The following SPTBN4 variants were observed in gnomAD, a reference collection of about 807,000 sequenced individuals.
SPTBN4 encodes spectrin beta, non-erythrocytic 4.
In SPTBN4, 96 loss-of-function variants were observed where a neutral mutation model predicts 277.8. The observed-to-expected ratio is 0.35, with a 90% CI of 0.29 to 0.41. SPTBN4 has a LOEUF of 0.41. Among genes scored for constraint, SPTBN4 ranks in the 10% least tolerant of loss-of-function variants. SPTBN4 has a pLI of 1.00. For synonymous variants in SPTBN4, 1,481 were observed against 1,580.3 expected, an observed-to-expected ratio of 0.94 and a Z score of 1.49; for missense variants, 3,006 against 3,595.7, an observed-to-expected ratio of 0.84 and a Z score of 4.19.
intron 2 of SPTBN4, among the ~76,000 whole-genome samples, chr19:40,484,661 C>G (rs1258886748): frequency 6.6e-6 from 1 of 151,962 alleles, no homozygotes; most frequent in African/African-American, 2.4e-5. Context: ...GGCGAGGTGG[C>G]TCACGCCTGT....
intron 21 of SPTBN4, 139 bp downstream of exon 21, chr19:40,549,552 A>T: frequency 1.6e-6 from 1 of 625,294 alleles, no homozygotes; most frequent in South Asian, 2.2e-5. Flanking sequence ...CCGTTCACTC[A>T]TTCATTCATT....
Position 40,556,285 on chromosome 19 carries a change from C to G in SPTBN4, c.5286C>G (p.Val1762=). 1 of 1,611,090 alleles carries G rather than the reference C, an allele frequency of 6.2e-7. No homozygotes were observed. Among genetic ancestry groups the G allele is most frequent in the East Asian group, 2.2e-5 (1 of 44,802 alleles). The change falls in exon 25 of 36, where the codon GTC becomes GTG. Residue 1762 remains valine, a synonymous_variant. Coordinates refer to ENST00000598249, the MANE Select transcript of SPTBN4 (RefSeq NM_020971.3). ...AGCTCGGCCAGGACTTTGAGCATGT[C>G]TCGGTGAGCATCATTAGTAATAAGT... ...SPELGQDFEH[V]SVLQEKFSEF...
At chr19:40,529,817 C>T (rs2080641755) in intron 18 of SPTBN4, among the ~76,000 whole-genome samples, 1 of 152,080 alleles carries the variant, frequency 6.6e-6, no homozygotes, top group Admixed American at 6.5e-5. Flanking sequence ...TCTGTGTGAC[C>T]CAGGATCATC....
At chr19:40,536,607 A>G (rs1191423692) in intron 20 of SPTBN4, among the ~76,000 whole-genome samples, 1 of 152,154 alleles carries the variant, frequency 6.6e-6, no homozygotes, top group Non-Finnish European at 1.5e-5. Flanking sequence ...AGATCCTTAG[A>G]AAGCTTTGTC....
At position 40,557,206 on chromosome 19, in the gene SPTBN4, A is replaced by G. The variant is rs1599806058; in HGVS notation, c.5473A>G (p.Thr1825Ala). The G allele has an allele frequency of 6.2e-7, 1 of 1,610,762 alleles. No homozygotes were observed. Among genetic ancestry groups the G allele is most frequent in the African/African-American group, 1.3e-5 (1 of 74,888 alleles). ...AWAELLELMG[T>A]RAQLLAASRE... ...GGCTGAGCTGCTGGAGCTCATGGGCACACGGGCCCAGCTGCTGGCCGCCTC... is the reference window on the plus strand; with the variant it reads ...GGCTGAGCTGCTGGAGCTCATGGGCGCACGGGCCCAGCTGCTGGCCGCCTC... Residue 1825 changes from threonine (T) to alanine (A), a missense_variant, in exon 26 of 36, where the codon ACA becomes GCA. Physicochemically the swap from Thr to Ala is moderately conservative, Grantham distance 58. This residue lies in a region of SPTBN4 where 425 missense variants were observed against 594.7 expected (regional missense o/e 0.71). Coordinates refer to ENST00000598249, the MANE Select transcript of SPTBN4 (RefSeq NM_020971.3).
intron 2 of SPTBN4, among the ~76,000 whole-genome samples, chr19:40,476,052 A>G (rs921343318): frequency 6.6e-6 from 1 of 151,538 alleles, no homozygotes; most frequent in Non-Finnish European, 1.5e-5. Context: ...TCTCAAAACA[A>G]TAAGAAACCT....
intron 2 of SPTBN4, among the ~76,000 whole-genome samples, chr19:40,486,429 G>C (rs935990602): frequency 6.6e-6 from 1 of 151,720 alleles, no homozygotes; most frequent in Non-Finnish European, 1.5e-5. Flanking sequence ...GAGTGCAGTG[G>C]CATGAGCACA....
Position 40,520,085 on chromosome 19 carries a change from C to A in SPTBN4, c.3588C>A (p.Val1196=). ...GLWEARREAL[V]QAHIYQLFLR... ...GGGAGGCGCGCAGGGAGGCGCTGGT[C>A]CAGGCGCACATCTACCAGCTCTTCC... Residue 1196 remains valine (V), a synonymous_variant, in exon 16 of 36, where the codon GTC becomes GTA. Transcript: ENST00000598249. 6.7e-7 allele frequency: 1 copy of A among 1,497,104 alleles called. No homozygotes were observed. Among genetic ancestry groups the A allele is most frequent in the Non-Finnish European group, 8.9e-7 (1 of 1,127,662 alleles). The allele number at this position is 1,497,104 out of a possible 1,614,324, so 92.7% of individuals were successfully genotyped here. A position where few individuals can be genotyped will look rare whatever the true frequency, so the allele number is the denominator to read the frequency against.
intron 18 of SPTBN4, among the ~76,000 whole-genome samples, chr19:40,531,480 T>TTG: frequency 3.4e-5 from 4 of 119,174 alleles, no homozygotes; most frequent in Non-Finnish European, 6.6e-5. Context: ...TTTTTTTTTT[T>TTG]TTTTTTTTTT....
intron 7 of SPTBN4, among the ~76,000 whole-genome samples, chr19:40,501,444 G>A (rs1055995959): frequency 1.3e-5 from 2 of 151,880 alleles, no homozygotes; most frequent in East Asian, 1.9e-4. Context: ...CGAGGTGGGC[G>A]GATCACCTGA....
At chr19:40,529,309 G>A (rs1161795316) in intron 18 of SPTBN4, among the ~76,000 whole-genome samples, 178 bp downstream of exon 18, 1 of 152,210 alleles carries the variant, frequency 6.6e-6, no homozygotes, top group Non-Finnish European at 1.5e-5. Context: ...GCAAGTCCCT[G>A]CCCGCCCACG....
chr19:40,472,534 A>G lies in SPTBN4; in HGVS notation c.-15-73A>G. 2.2e-6 allele frequency: 3 copies of G among 1,367,832 alleles called. No homozygotes were observed. In the South Asian group the frequency reaches 4.3e-5, roughly 20 times the overall value. The allele number at this position is 1,367,832 out of a possible 1,614,324, so 84.7% of individuals were successfully genotyped here. On this transcript the variant is annotated intron_variant, in intron 1 of 35. Transcript: ENST00000598249. ...AGAGAAATTGAGGACAAGAGAGGGG[A>G]CAGGACTCAAAGCCAGTCACTGTTA... is the stretch of plus-strand genomic sequence containing the variant.
rs1429214068 is a variant in SPTBN4 at position 40,568,157 on chromosome 19, G to A, written c.6831G>A (p.Ala2277=). ...PERQESAEHE[A]AHSLTLGRYE... is the part of the protein sequence containing the mutation. ...GGCAGGAGTCAGCGGAGCACGAGGC[G>A]GCACACAGCCTTACCCTGGGCCGCT... Residue 2277 remains alanine, a synonymous_variant, in exon 31 of 36, where the codon GCG becomes GCA. Coordinates refer to ENST00000598249, the MANE Select transcript of SPTBN4 (RefSeq NM_020971.3). 6.3e-7 allele frequency: 1 copy of A among 1,581,464 alleles called. No individual in the cohort carries two copies. Among genetic ancestry groups the A allele is most frequent in the Non-Finnish European group, 8.6e-7 (1 of 1,164,540 alleles).
chr19:40,559,122 G>GT (rs970610789), intron 26 of SPTBN4, among the ~76,000 whole-genome samples: 41 of 141,194 alleles, frequency 2.9e-4, no homozygotes, highest in African/African-American at 1.1e-3. Flanking sequence ...TAGAGATGGG[G>GT]TTTCACCATG....
chr19:40,497,404 T>C, intron 6 of SPTBN4, 85 bp from the exon 7 acceptor site: 4 of 965,508 alleles, frequency 4.1e-6, no homozygotes, highest in Non-Finnish European at 5.0e-6. Flanking sequence ...CCCTGGGCAG[T>C]GCTCAGACAA....
At position 40,472,710 on chromosome 19, in the gene SPTBN4, G is replaced by T; in HGVS notation, c.89G>T (p.Arg30Leu). ...NPAARWESPDRGWEREQPAAS... is the reference protein window; with the variant it reads ...NPAARWESPDLGWEREQPAAS... ...GCTGCCCGCTGGGAGAGTCCGGATCGGGGCTGGGAGCGGGAGCAGCCGGCT... is the reference window on the plus strand; with the variant it reads ...GCTGCCCGCTGGGAGAGTCCGGATCTGGGCTGGGAGCGGGAGCAGCCGGCT... Residue 30 changes from arginine to leucine, a missense_variant, in exon 2 of 36, where the codon CGG (arginine) becomes CTG (leucine). Arg to Leu is a moderately radical substitution (Grantham distance 102, BLOSUM62 -2). Coordinates refer to ENST00000598249, the MANE Select transcript of SPTBN4 (RefSeq NM_020971.3). 6.2e-7 allele frequency: 1 copy of T among 1,612,458 alleles called. No homozygotes were observed.
intron 18 of SPTBN4, chr19:40,530,552 C>T: frequency 3.7e-5 from 36 of 980,626 alleles, no homozygotes; most frequent in Non-Finnish European, 4.2e-5. Context: ...CCCGCCCGCC[C>T]GCTGCAGGGA....
At chr19:40,478,738 G>T (rs2079976431) in intron 2 of SPTBN4, among the ~76,000 whole-genome samples, 2 of 152,018 alleles carry the variant, frequency 1.3e-5, no homozygotes, top group African/African-American at 4.8e-5. Flanking sequence ...GTAGAGATGG[G>T]GTTTCACCAT....
intron 6 of SPTBN4, 94 bp from the exon 7 acceptor site, chr19:40,497,395 C>G: frequency 1.1e-6 from 1 of 891,702 alleles, no homozygotes; most frequent in Admixed American, 1.9e-5. Context: ...TGCCCATTGC[C>G]CTGGGCAGTG....
Sources: gnomAD v4.1 joint callset for allele counts (sites outside exome capture counted in the v4.1 genomes callset) on GRCh38, gnomAD v4.1.1 for gene constraint, gnomAD v4.1.1 regional missense constraint, MANE v1.5 for transcripts, NCBI Gene and HGNC (gene_info 2026-07-23, HGNC 2026-07-21) for gene names.